The following FREM3 variants were observed in gnomAD, a reference collection of about 807,000 sequenced individuals.
FREM3 encodes the protein FRAS1 related extracellular matrix 3.
Under a neutral mutation model 129.1 loss-of-function variants are expected in FREM3, and 105 were observed. That is an observed-to-expected ratio of 0.81 (90% CI 0.69 to 0.96). FREM3 has a LOEUF of 0.96. FREM3 is among the 40% of genes least tolerant of loss of function. The pLI is 0.00. For synonymous variants in FREM3, 1,014 were observed against 1,044.9 expected, an observed-to-expected ratio of 0.97 and a Z score of 0.57; for missense variants, 2,593 against 2,666.3, an observed-to-expected ratio of 0.97 and a Z score of 0.61.
chr4:143,675,327 G>A (rs1316427981), intron 2 of FREM3, among the ~76,000 whole-genome samples: 1 of 152,096 alleles, frequency 6.6e-6, no homozygotes, highest in Non-Finnish European at 1.5e-5. Flanking sequence ...AAATAAAGAT[G>A]TTCTTTGAAA....
At chr4:143,624,388 A>G (rs1195281647) in intron 3 of FREM3, 50 bp from the exon 4 acceptor site, 1 of 1,132,018 alleles carries the variant, frequency 8.8e-7, no homozygotes. Flanking sequence ...GACTGAAGGC[A>G]TAGTCTCCTT....
chr4:143,589,672 C>T (rs1291169734), intron 6 of FREM3, among the ~76,000 whole-genome samples: 3 of 152,136 alleles, frequency 2.0e-5, no homozygotes, highest in South Asian at 2.1e-4. Flanking sequence ...AGTCAGGTAG[C>T]GTGATGCCTG....
At chr4:143,657,362 T>C (rs531899093) in intron 2 of FREM3, among the ~76,000 whole-genome samples, 1 of 152,340 alleles carries the variant, frequency 6.6e-6, no homozygotes, top group South Asian at 2.1e-4. Flanking sequence ...TCATGCTGAA[T>C]ATTCAATAGA....
At chr4:143,627,890 T>C in intron 2 of FREM3, 130 bp from the exon 3 acceptor site, 1 of 651,430 alleles carries the variant, frequency 1.5e-6, no homozygotes, top group Non-Finnish European at 2.6e-6. Context: ...TTTTATTTTT[T>C]TGGTAGAGAG....
At chr4:143,624,743 G>T (rs538696558) in intron 3 of FREM3, among the ~76,000 whole-genome samples, 1 of 152,058 alleles carries the variant, frequency 6.6e-6, no homozygotes, top group Non-Finnish European at 1.5e-5. Context: ...TGGCGGTAGA[G>T]ATCTTTGACC....
chr4:143,601,807 C>CT (rs1020862545), intron 6 of FREM3: 7 of 152,162 alleles, frequency 4.6e-5, no homozygotes, highest in African/African-American at 1.4e-4. Flanking sequence ...TGCTCCTATA[C>CT]TTTTTCTTTT....
At chr4:143,689,223 G>T (rs1740422098) in intron 2 of FREM3, among the ~76,000 whole-genome samples, 1 of 151,960 alleles carries the variant, frequency 6.6e-6, no homozygotes, top group African/African-American at 2.4e-5. Flanking sequence ...TTAAGGACAT[G>T]AATAGACAAT....
At chr4:143,651,793 C>T (rs1384783472) in intron 2 of FREM3, among the ~76,000 whole-genome samples, 2 of 152,156 alleles carry the variant, frequency 1.3e-5, no homozygotes, top group Non-Finnish European at 2.9e-5. Flanking sequence ...ATTTATACTT[C>T]TTAACAGATG....
chr4:143,656,095 C>T (rs1012979140), intron 2 of FREM3, among the ~76,000 whole-genome samples: 2 of 152,084 alleles, frequency 1.3e-5, no homozygotes, highest in Non-Finnish European at 2.9e-5. Flanking sequence ...ATTTCTTACC[C>T]CACAGTAATT....
chr4:143,620,075 G>A (rs1273698292), intron 5 of FREM3, among the ~76,000 whole-genome samples: 2 of 152,148 alleles, frequency 1.3e-5, no homozygotes, highest in Non-Finnish European at 2.9e-5. Flanking sequence ...CACCACCTCT[G>A]TAGCAATCAG....
chr4:143,604,904 T>C (rs1738642460), intron 6 of FREM3, among the ~76,000 whole-genome samples: 1 of 152,220 alleles, frequency 6.6e-6, no homozygotes, highest in Non-Finnish European at 1.5e-5. Flanking sequence ...TTGTTTACAC[T>C]GAACTATGAA....
chr4:143,697,599 A>C lies in FREM3; in HGVS notation c.3077T>G (p.Val1026Gly), dbSNP rs971121817. The C allele has an allele frequency of 6.5e-7, 1 of 1,537,556 alleles. No homozygotes were observed. The highest frequency in any genetic ancestry group is 8.7e-7 in the Non-Finnish European group (1 of 1,147,010). ...GGCATCGTGCTGCTTTTGAAAACCA[A>C]CTTCACCTGCAGTGTGGGCATAGGC... is the stretch of plus-strand genomic sequence containing the variant. Reference protein sequence around the residue: ...RVAYAHTAGEVGFQKQHDAFS... With the variant: ...RVAYAHTAGEGGFQKQHDAFS... Residue 1026 changes from valine to glycine, a missense_variant, in exon 1 of 8, where the codon GTT becomes GGT. This residue lies in a region of FREM3 where 2,276 missense variants were observed against 2,267.2 expected (regional missense o/e 1.00). Coordinates refer to ENST00000329798, the MANE Select transcript of FREM3 (RefSeq NM_001168235.2).
intron 2 of FREM3, among the ~76,000 whole-genome samples, chr4:143,644,792 C>T (rs1391132701): frequency 6.6e-6 from 1 of 152,156 alleles, no homozygotes; most frequent in Non-Finnish European, 1.5e-5. Flanking sequence ...AATATGACTG[C>T]TCTGGCAAGC....
chr4:143,638,966 T>G (rs1461515011), intron 2 of FREM3, among the ~76,000 whole-genome samples: 1 of 152,162 alleles, frequency 6.6e-6, no homozygotes, highest in Non-Finnish European at 1.5e-5. Flanking sequence ...GTGAAATAAT[T>G]TACATTTGCT....
Position 143,652,308 on chromosome 4 carries a change from G to A in FREM3, c.5276-24548C>T, listed in dbSNP as rs1316004178. 1.5e-4 allele frequency among the ~76,000 whole-genome samples: 14 copies of A among 95,146 alleles called. 6 individuals carry two copies. Among genetic ancestry groups the A allele is most frequent in the Non-Finnish European group, 3.2e-4 (13 of 40,896 alleles). 62.4% of individuals were successfully genotyped at this position (95,146 alleles called of 152,430 possible). A position where few individuals can be genotyped will look rare whatever the true frequency, so the allele number is the denominator to read the frequency against. The stretch of plus-strand genomic sequence containing the variant: ...CTCCCCAGTAGCTGGGACTACAGGC[G>A]CCCGCCACCGCGCCCGGCTAATTTT... On this transcript the variant is annotated intron_variant, in intron 2 of 7. Transcript: ENST00000329798.
At chr4:143,583,701 GC>G (rs1738187801) in intron 7 of FREM3, among the ~76,000 whole-genome samples, 1 of 151,192 alleles carries the variant, frequency 6.6e-6, no homozygotes, top group African/African-American at 2.4e-5. Flanking sequence ...TTTATATCCA[GC>G]CAAACTAAGC....
At chr4:143,628,393 C>T (rs1739082003) in intron 2 of FREM3, among the ~76,000 whole-genome samples, 2 of 152,068 alleles carry the variant, frequency 1.3e-5, no homozygotes, top group Non-Finnish European at 2.9e-5. Flanking sequence ...CAACCCAGCC[C>T]CTTATTGTGG....
intron 1 of FREM3, among the ~76,000 whole-genome samples, chr4:143,694,932 G>C (rs528635663): frequency 1.4e-4 from 22 of 152,212 alleles, no homozygotes; most frequent in South Asian, 4.1e-4. Context: ...GAAAGTAGAG[G>C]GACCTGCCTC....
intron 7 of FREM3, among the ~76,000 whole-genome samples, chr4:143,582,540 A>T (rs1441298633): frequency 6.6e-6 from 1 of 152,212 alleles, no homozygotes; most frequent in Non-Finnish European, 1.5e-5. Flanking sequence ...CACCACAGTT[A>T]AAGGAATATC....
Sources: gnomAD v4.1 joint callset for allele counts (sites outside exome capture counted in the v4.1 genomes callset) on GRCh38, gnomAD v4.1.1 for gene constraint, gnomAD v4.1.1 regional missense constraint, MANE v1.5 for transcripts, NCBI Gene and HGNC (gene_info 2026-07-23, HGNC 2026-07-21) for gene names.